The following PDE4D variants were observed in gnomAD, a reference collection of about 807,000 sequenced individuals.
The protein encoded by PDE4D is phosphodiesterase 4D.
A neutral mutation model predicts 87.4 loss-of-function variants in PDE4D; 24 were observed. The observed-to-expected ratio is 0.27, with a 90% CI of 0.20 to 0.39. PDE4D has a LOEUF of 0.39. Ranked by LOEUF, PDE4D falls within the 10% of genes least tolerant of loss-of-function variation. The probability of loss-of-function intolerance (pLI) is 1.00; values close to 1 mark genes in which losing one functional copy is unlikely to be tolerated. For missense variants in PDE4D, 714 were observed against 1,041.0 expected, an observed-to-expected ratio of 0.69 and a Z score of 4.32; for synonymous variants, 384 against 383.2, an observed-to-expected ratio of 1.00 and a Z score of -0.02.
intron 2 of PDE4D, among the ~76,000 whole-genome samples, chr5:60,084,244 G>C (rs969759261): frequency 6.6e-6 from 1 of 152,158 alleles, no homozygotes; most frequent in East Asian, 1.9e-4. Context: ...TTTCAGTGGG[G>C]TGCCAAAGGG....
intron 1 of PDE4D, among the ~76,000 whole-genome samples, chr5:60,271,093 C>T (rs1220343126): frequency 6.6e-6 from 1 of 152,124 alleles, no homozygotes; most frequent in Non-Finnish European, 1.5e-5. Context: ...AAAGCTATTA[C>T]ATATGTATTT....
At chr5:59,803,135 G>A (rs1767335093) in intron 1 of PDE4D, among the ~76,000 whole-genome samples, 1 of 152,192 alleles carries the variant, frequency 6.6e-6, no homozygotes, top group African/African-American at 2.4e-5. Context: ...GGGGAGTACG[G>A]CACAGGAATA....
chr5:59,525,081 G>A (rs1812855226), intron 1 of PDE4D, among the ~76,000 whole-genome samples: 1 of 152,198 alleles, frequency 6.6e-6, no homozygotes, highest in Non-Finnish European at 1.5e-5. Context: ...CTGCATAGTG[G>A]AGCTGTGAGA....
intron 2 of PDE4D, among the ~76,000 whole-genome samples, chr5:60,133,099 C>A (rs1051042280): frequency 6.6e-6 from 1 of 152,160 alleles, no homozygotes; most frequent in African/African-American, 2.4e-5. Context: ...AGTCCAATTT[C>A]TGGCTCTGCT....
At chr5:59,564,533 T>G (rs1489356839) in intron 1 of PDE4D, among the ~76,000 whole-genome samples, 1 of 152,242 alleles carries the variant, frequency 6.6e-6, no homozygotes, top group African/African-American at 2.4e-5. Context: ...GAAAACCCAT[T>G]CTCTTTTTGG....
At position 59,560,300 on chromosome 5, in the gene PDE4D, G is replaced by A. The variant is rs201241489; in HGVS notation, c.455+332868C>T. ...AACCTTTATTATGAACCCACTACAC[G>A]CATTATCTGTTTTATGTCTTATAGC... is the stretch of plus-strand genomic sequence containing the variant. On this transcript the variant is annotated intron_variant, in intron 1 of 14. Transcript: ENST00000340635. 1.3e-4 allele frequency among the ~76,000 whole-genome samples: 20 copies of A among 152,132 alleles called. No homozygotes were observed. The East Asian group carries it at 1.5e-3, about 12-fold the overall frequency.
chr5:59,869,745 C>T (rs931016169), intron 1 of PDE4D, among the ~76,000 whole-genome samples: 8 of 152,034 alleles, frequency 5.3e-5, no homozygotes, highest in Non-Finnish European at 1.2e-4. Flanking sequence ...CATTTCAGGT[C>T]CTCAAAGTGA....
At chr5:59,015,329 A>T (rs868220141) in intron 6 of PDE4D, among the ~76,000 whole-genome samples, 1 of 152,090 alleles carries the variant, frequency 6.6e-6, no homozygotes, top group Non-Finnish European at 1.5e-5. Flanking sequence ...CATCAGAGTG[A>T]ACAGGCAACC....
At chr5:60,239,019 G>A (rs1168486529) in intron 1 of PDE4D, among the ~76,000 whole-genome samples, 2 of 151,970 alleles carry the variant, frequency 1.3e-5, no homozygotes, top group Non-Finnish European at 2.9e-5. Context: ...GCGTAAATGG[G>A]TTTTAGTCTT....
At chr5:59,738,488 T>C (rs1193604074) in intron 1 of PDE4D, among the ~76,000 whole-genome samples, 1 of 151,992 alleles carries the variant, frequency 6.6e-6, no homozygotes, top group Non-Finnish European at 1.5e-5. Context: ...AAAGGAACTG[T>C]CTCTTTTGAA....
rs1561226066 is a variant in PDE4D, at chr5:58,981,463, CTTAT to C, written c.1553-4122_1553-4119del. ...AAATACTAATATAAAGTTAATACCT[CTTAT>C]GTTATATAAGGGAATAAGAAAAAGA... On this transcript the variant is annotated intron_variant, in intron 11 of 14. Coordinates refer to ENST00000340635, the MANE Select transcript of PDE4D (RefSeq NM_001104631.2). Among the ~76,000 whole-genome samples the C allele has an allele frequency of 6.7e-3, 519 of 77,734 alleles. 3 individuals carry two copies. Among genetic ancestry groups the C allele is most frequent in the African/African-American group, 0.027 (495 of 18,404 alleles). 51.0% of individuals were successfully genotyped at this position (77,734 alleles called of 152,430 possible).
intron 1 of PDE4D, among the ~76,000 whole-genome samples, chr5:59,232,981 T>TA (rs1384934057): frequency 6.6e-6 from 1 of 151,934 alleles, no homozygotes; most frequent in Non-Finnish European, 1.5e-5. Context: ...AAGTGGGTGC[T>TA]AAAAAAAGTT....
intron 1 of PDE4D, among the ~76,000 whole-genome samples, chr5:60,338,698 T>C (rs1365233999): frequency 6.6e-6 from 1 of 151,958 alleles, no homozygotes; most frequent in Non-Finnish European, 1.5e-5. Flanking sequence ...TACTTAATAA[T>C]GGCCCAAAGT....
intron 1 of PDE4D, among the ~76,000 whole-genome samples, chr5:59,742,064 G>A (rs1237014128): frequency 6.6e-6 from 1 of 151,870 alleles, no homozygotes; most frequent in Non-Finnish European, 1.5e-5. Flanking sequence ...ATCTTCTTTT[G>A]GGGGGAGGGT....
chr5:59,731,088 A>G (rs1161597378), intron 1 of PDE4D, among the ~76,000 whole-genome samples: 1 of 152,014 alleles, frequency 6.6e-6, no homozygotes, highest in Non-Finnish European at 1.5e-5. Flanking sequence ...ATATAAGCCT[A>G]ATGTTAATCA....
At chr5:59,176,431 G>A (rs1783898469) in intron 5 of PDE4D, among the ~76,000 whole-genome samples, 1 of 152,000 alleles carries the variant, frequency 6.6e-6, no homozygotes, top group Non-Finnish European at 1.5e-5. Flanking sequence ...GTGGGCATCT[G>A]TAATCCCAGC....
chr5:59,674,803 C>T (rs1203811899), intron 1 of PDE4D, among the ~76,000 whole-genome samples: 1 of 152,198 alleles, frequency 6.6e-6, no homozygotes, highest in Non-Finnish European at 1.5e-5. Context: ...TAGTGTAACA[C>T]ATAAGATATT....
chr5:59,935,156 C>T (rs929230831), intron 3 of PDE4D, among the ~76,000 whole-genome samples: 2 of 151,952 alleles, frequency 1.3e-5, no homozygotes, highest in African/African-American at 4.8e-5. Flanking sequence ...TTAGAAAAGA[C>T]TTTGGAATGA....
intron 1 of PDE4D, among the ~76,000 whole-genome samples, chr5:59,252,185 AAAAG>A (rs1191673435): frequency 6.6e-6 from 1 of 152,184 alleles, no homozygotes; most frequent in Admixed American, 6.6e-5. Context: ...AAAAATTAAA[AAAAG>A]AACCTGTGAA....
Sources: gnomAD v4.1 joint callset for allele counts (sites outside exome capture counted in the v4.1 genomes callset) on GRCh38, gnomAD v4.1.1 for gene constraint, MANE v1.5 for transcripts, NCBI Gene and HGNC (gene_info 2026-07-23, HGNC 2026-07-21) for gene names.